Variants in CSMD1 observed in about 807,000 individuals in gnomAD.
CSMD1 encodes CUB and sushi domain-containing protein 1.
CSMD1 carries 213 observed loss-of-function variants against 417.5 expected under a neutral mutation model. The ratio of observed to expected loss-of-function variants is 0.51; its 90% confidence interval spans 0.46 to 0.57. The LOEUF (loss-of-function observed/expected upper bound fraction) is 0.57, where lower values mean the gene tolerates loss of function less well. Ranked by LOEUF, CSMD1 falls within the 20% of genes least tolerant of loss-of-function variation. The pLI is 0.00. For missense variants in CSMD1, 6,923 were observed against 4,529.7 expected (o/e 1.53, Z -15.17); for synonymous variants, 2,862 against 1,736.8 (o/e 1.65, Z -16.11).
At chr8:4,117,199 T>C (rs940680774) in intron 3 of CSMD1, among the ~76,000 whole-genome samples, 2 of 151,488 alleles carry the variant, frequency 1.3e-5, no homozygotes, top group African/African-American at 2.4e-5. Context: ...GTTGCTGGAA[T>C]GGCTTCCAAG....
chr8:4,041,486 C>G (rs1033423234), intron 3 of CSMD1, among the ~76,000 whole-genome samples: 1 of 152,126 alleles, frequency 6.6e-6, no homozygotes, highest in East Asian at 1.9e-4. Context: ...TCAAACTGTT[C>G]CACAAATAGT....
At chr8:4,203,321 G>C (rs574923193) in intron 3 of CSMD1, among the ~76,000 whole-genome samples, 1 of 152,098 alleles carries the variant, frequency 6.6e-6, no homozygotes, top group African/African-American at 2.4e-5. Context: ...GGTCGGCTCA[G>C]GGAGACCCAT....
chr8:4,024,352 T>C (rs1035073610), intron 4 of CSMD1, among the ~76,000 whole-genome samples: 1 of 152,182 alleles, frequency 6.6e-6, no homozygotes, highest in South Asian at 2.1e-4. Context: ...TTAAATCTTA[T>C]GGATTCTGTG....
intron 3 of CSMD1, among the ~76,000 whole-genome samples, chr8:4,399,196 G>C (rs534425482): frequency 6.6e-6 from 1 of 152,150 alleles, no homozygotes; most frequent in Admixed American, 6.5e-5. Context: ...TCCTAGCCTG[G>C]AATTTACTAT....
At chr8:4,476,169 T>C (rs540278574) in intron 2 of CSMD1, among the ~76,000 whole-genome samples, 6 of 152,224 alleles carry the variant, frequency 3.9e-5, no homozygotes, top group African/African-American at 9.6e-5. Flanking sequence ...AATTAAAATA[T>C]AGTTTGCTTC....
chr8:2,941,081 G>T lies in CSMD1; in HGVS notation c.10535+1391C>A, dbSNP rs537035524. On this transcript the variant is annotated intron_variant, in intron 69 of 69. Coordinates refer to ENST00000635120, the MANE Select transcript of CSMD1 (RefSeq NM_033225.6). ...CAGAAATTCAAGGATAAGGCTCATC[G>T]GACTTGTGTGTATTGGGTATTTTCT... Among the ~76,000 whole-genome samples the T allele has an allele frequency of 1.1e-4, 17 of 152,216 alleles. No individual in the cohort carries two copies. In the East Asian group the frequency reaches 3.1e-3, roughly 28 times the overall value.
intron 31 of CSMD1, among the ~76,000 whole-genome samples, chr8:3,202,186 T>C (rs1797027595): frequency 6.6e-6 from 1 of 152,148 alleles, no homozygotes; most frequent in Non-Finnish European, 1.5e-5. Context: ...AAAGAATATC[T>C]GTAAAGACTT....
chr8:3,110,043 C>G, intron 43 of CSMD1, 115 bp downstream of exon 43: 2 of 869,416 alleles, frequency 2.3e-6, no homozygotes, highest in Non-Finnish European at 3.4e-6. Flanking sequence ...AATTTCTTCT[C>G]TAGTATCTAA....
At chr8:3,227,612 G>C (rs1425057536) in intron 27 of CSMD1, among the ~76,000 whole-genome samples, 1 of 152,096 alleles carries the variant, frequency 6.6e-6, no homozygotes, top group Non-Finnish European at 1.5e-5. Context: ...ATACTAGAGA[G>C]TGGCATCAGT....
chr8:4,960,419 C>A (rs1809400990), intron 1 of CSMD1, among the ~76,000 whole-genome samples: 1 of 152,094 alleles, frequency 6.6e-6, no homozygotes, highest in Non-Finnish European at 1.5e-5. Context: ...CTCTTCTTTC[C>A]CACTGTTGAA....
intron 15 of CSMD1, among the ~76,000 whole-genome samples, chr8:3,402,664 G>A (rs1261498118): frequency 2.0e-5 from 3 of 152,166 alleles, no homozygotes; most frequent in East Asian, 3.9e-4. Context: ...TTTATGGTAT[G>A]GATAATTTCT....
At chr8:3,167,357 C>G (rs1259570717) in intron 37 of CSMD1, among the ~76,000 whole-genome samples, 1 of 149,826 alleles carries the variant, frequency 6.7e-6, no homozygotes, top group African/African-American at 2.5e-5. Context: ...ATGGCAAAAA[C>G]CACAATTATT....
intron 7 of CSMD1, among the ~76,000 whole-genome samples, chr8:3,698,819 T>C (rs553996204): frequency 1.3e-5 from 2 of 152,348 alleles, no homozygotes; most frequent in African/African-American, 4.8e-5. Context: ...TATGGCCTGA[T>C]GAAAATGTCC....
chr8:3,298,452 C>G (rs181447476), intron 25 of CSMD1, among the ~76,000 whole-genome samples: 1 of 149,184 alleles, frequency 6.7e-6, no homozygotes, highest in South Asian at 2.1e-4. Context: ...TAAAACTGTA[C>G]AATCTCTCTC....
chr8:4,781,905 G>C (rs1040134561), intron 1 of CSMD1, among the ~76,000 whole-genome samples: 2 of 152,118 alleles, frequency 1.3e-5, no homozygotes, highest in Non-Finnish European at 2.9e-5. Flanking sequence ...TACCCAGCTA[G>C]TAAATAAAAA....
chr8:3,222,222 A>C (rs1225422001), intron 28 of CSMD1, among the ~76,000 whole-genome samples: 1 of 151,968 alleles, frequency 6.6e-6, no homozygotes, highest in Non-Finnish European at 1.5e-5. Flanking sequence ...CAGTGAAAAA[A>C]CCCTTGCACA....
At chr8:4,147,118 C>A (rs1399165912) in intron 3 of CSMD1, among the ~76,000 whole-genome samples, 3 of 152,060 alleles carry the variant, frequency 2.0e-5, no homozygotes, top group Middle Eastern at 6.8e-3. Context: ...CCCTCCTGAC[C>A]AATCTCTTCC....
intron 3 of CSMD1, among the ~76,000 whole-genome samples, chr8:4,088,642 C>G (rs1800548680): frequency 6.6e-6 from 1 of 152,084 alleles, no homozygotes; most frequent in Non-Finnish European, 1.5e-5. Context: ...AGAGTAAAGC[C>G]CAAAGTCATT....
chr8:3,161,330 C>G (rs1819878201), intron 38 of CSMD1, among the ~76,000 whole-genome samples: 1 of 151,950 alleles, frequency 6.6e-6, no homozygotes. Flanking sequence ...ATATAAAAAA[C>G]TCTTGGCTGG....
Sources: gnomAD v4.1 joint callset for allele counts (sites outside exome capture counted in the v4.1 genomes callset) on GRCh38, gnomAD v4.1.1 for gene constraint, MANE v1.5 for transcripts, NCBI Gene and HGNC (gene_info 2026-07-23, HGNC 2026-07-21) for gene names.